Variants in PECAM1 observed in about 807,000 individuals in gnomAD.
PECAM1 encodes the protein platelet and endothelial cell adhesion molecule 1, also known as platelet endothelial cell adhesion molecule.
A neutral mutation model predicts 13.8 loss-of-function variants in PECAM1; 8 were observed. The observed-to-expected ratio is 0.58, with a 90% CI of 0.34 to 1.05. PECAM1 has a LOEUF of 1.05. Ranked by LOEUF, PECAM1 falls within the 50% of genes least tolerant of loss-of-function variation. The pLI is 0.03. For missense variants in PECAM1, 304 were observed against 141.2 expected, an observed-to-expected ratio of 2.15 and a Z score of -5.84; for synonymous variants, 136 against 52.6, an observed-to-expected ratio of 2.58 and a Z score of -6.86.
chr17:64,323,801 A>G lies in PECAM1; in HGVS notation c.*15T>C, dbSNP rs782340427. 1 of 945,760 alleles carries G rather than the reference A, an allele frequency of 1.1e-6. No homozygotes were observed. The highest frequency in any genetic ancestry group is 1.8e-6 in the Non-Finnish European group (1 of 569,156). 58.6% of individuals were successfully genotyped at this position (945,760 alleles called of 1,614,324 possible). ...CATGGATGTCCTTCCAGGGATGTGCATCTGGCCTTGCTGTCTAAGTTCCAT... is the reference window on the plus strand; with the variant it reads ...CATGGATGTCCTTCCAGGGATGTGCGTCTGGCCTTGCTGTCTAAGTTCCAT... On this transcript the variant is annotated 3_prime_UTR_variant, in exon 16 of 16. Coordinates refer to ENST00000563924, the MANE Select transcript of PECAM1 (RefSeq NM_000442.5).
At chr17:64,383,542 G>A (rs1385219342) in intron 2 of PECAM1, among the ~76,000 whole-genome samples, 1 of 152,096 alleles carries the variant, frequency 6.6e-6, no homozygotes, top group African/African-American at 2.4e-5. Flanking sequence ...CCATACTGGG[G>A]GTTCAGAGAA....
Position 64,321,407 on chromosome 17 carries a change from C to T in PECAM1, c.*2409G>A, listed in dbSNP as rs992799028. 2.0e-6 allele frequency: 2 copies of T among 983,816 alleles called. No individual in the cohort carries two copies. Among genetic ancestry groups the T allele is most frequent in the African/African-American group, 1.8e-5 (1 of 57,136 alleles). The allele number at this position is 983,816 out of a possible 1,614,324, so 60.9% of individuals were successfully genotyped here. On this transcript the variant is annotated 3_prime_UTR_variant, in exon 16 of 16. Coordinates refer to ENST00000563924, the MANE Select transcript of PECAM1 (RefSeq NM_000442.5). ...TTAAATCCACTAAGAAAGATCCCTG[C>T]GCATGAAGTTTCCTCCTCGGAAATA... is the stretch of plus-strand genomic sequence containing the variant.
At chr17:64,336,223 G>A (rs935344071) in intron 14 of PECAM1, among the ~76,000 whole-genome samples, 25 of 151,154 alleles carry the variant, frequency 1.7e-4, no homozygotes, top group African/African-American at 4.9e-4. Context: ...CTGCGATCGC[G>A]CCACTGCACT....
At chr17:64,374,975 C>T (rs2036324578) in intron 4 of PECAM1, 76 bp downstream of exon 4, 1 of 436,712 alleles carries the variant, frequency 2.3e-6, no homozygotes, top group Non-Finnish European at 4.2e-6. Context: ...GCAGCCCCTT[C>T]CCAGTTCTGG....
intron 2 of PECAM1, among the ~76,000 whole-genome samples, chr17:64,387,221 C>T (rs952816546): frequency 9.2e-5 from 14 of 152,078 alleles, no homozygotes; most frequent in African/African-American, 4.8e-5. Flanking sequence ...TGGAAGTGTC[C>T]GTTGCATTTG....
At chr17:64,358,736 C>T (rs958165740) in intron 7 of PECAM1, among the ~76,000 whole-genome samples, 62 of 152,042 alleles carry the variant, frequency 4.1e-4, no homozygotes, top group Non-Finnish European at 4.4e-4. Context: ...AGCATTGAAA[C>T]AAAGAATATG....
In PECAM1 at chr17:64,322,090, C is replaced by T; in HGVS notation, c.*1726G>A. 8.9e-7 allele frequency: 1 copy of T among 1,121,134 alleles called. No individual in the cohort carries two copies. The highest frequency in any genetic ancestry group is 1.9e-5 in the South Asian group (1 of 52,496). 69.4% of individuals were successfully genotyped at this position (1,121,134 alleles called of 1,614,324 possible). On this transcript the variant is annotated 3_prime_UTR_variant, in exon 16 of 16. Coordinates refer to ENST00000563924, the MANE Select transcript of PECAM1 (RefSeq NM_000442.5). The stretch of plus-strand genomic sequence containing the variant: ...CATCATATTGTCAAAAGAGTCTAGG[C>T]TGGGCATGGTGGCTCACGCCTGCAA...
At chr17:64,366,196 T>A (rs2036100838) in intron 5 of PECAM1, among the ~76,000 whole-genome samples, 1 of 142,758 alleles carries the variant, frequency 7.0e-6, no homozygotes. Context: ...AAGAAGACAT[T>A]TATACAGCCA....
In PECAM1 at chr17:64,348,411, T is replaced by C. The variant is rs927539126; in HGVS notation, c.2045-89A>G. 13 of 362,556 alleles carry C rather than the reference T, an allele frequency of 3.6e-5. No individual in the cohort carries two copies. The South Asian group carries it at 1.3e-3, about 35-fold the overall frequency. 22.5% of individuals were successfully genotyped at this position (362,556 alleles called of 1,614,324 possible). ...TAGAAGTAGAGACTTTCTTTTCTTT[T>C]TTTTTTTTTTTTTTGAGACAGAGTC... On this transcript the variant is annotated intron_variant, in intron 12 of 15. Transcript: ENST00000563924.
chr17:64,355,464 T>A (rs2035825235), intron 8 of PECAM1, among the ~76,000 whole-genome samples: 1 of 152,014 alleles, frequency 6.6e-6, no homozygotes, highest in African/African-American at 2.4e-5. Context: ...CTATTTTTTG[T>A]TGGTTTGATT....
intron 5 of PECAM1, among the ~76,000 whole-genome samples, chr17:64,369,013 C>T (rs1259608997): frequency 3.5e-5 from 5 of 143,854 alleles, no homozygotes; most frequent in Non-Finnish European, 6.0e-5. Context: ...CTCAGCTCAC[C>T]GCAGCCTCTG....
At position 64,375,264 on chromosome 17, in the gene PECAM1, G is replaced by A. The variant is rs1444471208; in HGVS notation, c.478C>T (p.Pro160Ser). The A allele has an allele frequency of 2.1e-6, 1 of 475,124 alleles. No individual in the cohort carries two copies. Among genetic ancestry groups the A allele is most frequent in the Non-Finnish European group, 3.9e-6 (1 of 259,038 alleles). The allele number at this position is 475,124 out of a possible 1,614,324, so 29.4% of individuals were successfully genotyped here. A position where few individuals can be genotyped will look rare whatever the true frequency, so the allele number is the denominator to read the frequency against. The change falls in exon 4 of 16, where the codon CCA (proline) becomes TCA (serine). Residue 160 changes from proline to serine, a missense_variant. Coordinates refer to ENST00000563924, the MANE Select transcript of PECAM1 (RefSeq NM_000442.5). Reference sequence around the variant, plus strand: ...AGTTTTTCAATTGTGAAGTGTATTGGGGCCTTTTCCTCTGGGACAGAACAG... The same window carrying A: ...AGTTTTTCAATTGTGAAGTGTATTGAGGCCTTTTCCTCTGGGACAGAACAG... Reference protein sequence around the residue: ...VNCSVPEEKAPIHFTIEKLEL... With the variant: ...VNCSVPEEKASIHFTIEKLEL...
At chr17:64,330,239 G>A (rs1399558521) in intron 14 of PECAM1, among the ~76,000 whole-genome samples, 3 of 152,042 alleles carry the variant, frequency 2.0e-5, no homozygotes, top group Admixed American at 6.6e-5. Flanking sequence ...GGGTGGTCTC[G>A]AACTCCTGGC....
intron 6 of PECAM1, 65 bp from the exon 7 acceptor site, chr17:64,360,480 G>A (rs2035947286): frequency 2.2e-6 from 1 of 457,276 alleles, no homozygotes; most frequent in Non-Finnish European, 4.0e-6. Flanking sequence ...CAGCACAAGA[G>A]GTTCCTCCTC....
At chr17:64,329,615 G>A (rs2035049590) in intron 15 of PECAM1, 85 bp downstream of exon 15, 1 of 713,928 alleles carries the variant, frequency 1.4e-6, no homozygotes, top group Non-Finnish European at 2.6e-6. Context: ...GAATTCATGT[G>A]AATGCAGGAC....
At chr17:64,372,759 T>G (rs1176501258) in intron 4 of PECAM1, among the ~76,000 whole-genome samples, 2 of 151,582 alleles carry the variant, frequency 1.3e-5, no homozygotes, top group African/African-American at 4.8e-5. Flanking sequence ...TGCCTCAGCC[T>G]CCCAAAGTGC....
At position 64,322,921 on chromosome 17, in the gene PECAM1, G is replaced by T; in HGVS notation, c.*895C>A. 2 of 417,116 alleles carry T rather than the reference G, an allele frequency of 4.8e-6. No homozygotes were observed. The highest frequency in any genetic ancestry group is 6.4e-6 in the Non-Finnish European group (2 of 310,664). 25.8% of individuals were successfully genotyped at this position (417,116 alleles called of 1,614,324 possible). ...AGTAGAGACAGGGTTTCATCAGGCT[G>T]GTCTCAAACTCCTGACCTCAGGTGA... On this transcript the variant is annotated 3_prime_UTR_variant, in exon 16 of 16. Transcript: ENST00000563924.
At chr17:64,336,128 G>A (rs952871898) in intron 14 of PECAM1, among the ~76,000 whole-genome samples, 6 of 152,166 alleles carry the variant, frequency 3.9e-5, no homozygotes, top group South Asian at 2.1e-4. Context: ...TTACCCGGGC[G>A]TGGTGGCAGT....
chr17:64,342,655 G>T (rs2035464225), intron 13 of PECAM1, among the ~76,000 whole-genome samples: 1 of 151,998 alleles, frequency 6.6e-6, no homozygotes, highest in Admixed American at 6.6e-5. Flanking sequence ...ATGCAGACAG[G>T]GCTGAGATCC....
Sources: gnomAD v4.1 joint callset for allele counts (sites outside exome capture counted in the v4.1 genomes callset) on GRCh38, gnomAD v4.1.1 for gene constraint, MANE v1.5 for transcripts, NCBI Gene and HGNC (gene_info 2026-07-23, HGNC 2026-07-21) for gene names.